Variants in FMNL2 observed in about 807,000 individuals in gnomAD.
FMNL2 encodes the protein formin-like protein 2.
Under a neutral mutation model 130.2 loss-of-function variants are expected in FMNL2, and 51 were observed. The observed-to-expected ratio is 0.39, with a 90% CI of 0.31 to 0.49. The LOEUF (loss-of-function observed/expected upper bound fraction) is 0.49, where lower values mean the gene tolerates loss of function less well. Among genes scored for constraint, FMNL2 ranks in the 20% least tolerant of loss-of-function variants. The pLI is 0.85. For synonymous variants in FMNL2, 465 were observed against 467.1 expected (o/e 1.00, Z 0.06); for missense variants, 977 against 1,316.2 (o/e 0.74, Z 3.99).
chr2:152,519,481 A>G (rs1479382597), intron 1 of FMNL2, among the ~76,000 whole-genome samples: 2 of 152,184 alleles, frequency 1.3e-5, no homozygotes, highest in Non-Finnish European at 2.9e-5. Context: ...CCTGTGTGTA[A>G]TTCCTGTGGC....
chr2:152,420,074 C>CCGAGTTTTACCAAAAGGCT (rs1324864603), intron 1 of FMNL2, among the ~76,000 whole-genome samples: 1 of 152,076 alleles, frequency 6.6e-6, no homozygotes, highest in Non-Finnish European at 1.5e-5. Context: ...TTGCTAAAAG[C>CCGAGTTTTACCAAAAGGCT]CGAGTTTTAC....
At chr2:152,618,563 G>A (rs1323165665) in intron 13 of FMNL2, among the ~76,000 whole-genome samples, 1 of 152,144 alleles carries the variant, frequency 6.6e-6, no homozygotes, top group Non-Finnish European at 1.5e-5. Context: ...CAGCATTCCG[G>A]GTCATTTCTG....
intron 1 of FMNL2, among the ~76,000 whole-genome samples, chr2:152,452,092 T>G (rs570211184): frequency 2.1e-4 from 32 of 152,280 alleles, no homozygotes; most frequent in East Asian, 1.9e-3. Context: ...CCCTGTTCCC[T>G]TCACTCTTTT....
intron 7 of FMNL2, 124 bp downstream of exon 7, chr2:152,575,368 A>C (rs766397126): frequency 9.8e-6 from 5 of 511,112 alleles, no homozygotes; most frequent in Non-Finnish European, 1.7e-5. Flanking sequence ...TCATCATCCT[A>C]CAATTTATCT....
At chr2:152,645,084 G>C (rs1358267596) in intron 25 of FMNL2, among the ~76,000 whole-genome samples, 2 of 152,224 alleles carry the variant, frequency 1.3e-5, no homozygotes, top group East Asian at 1.9e-4. Flanking sequence ...AAAGGACATA[G>C]AGTGTCATTG....
intron 1 of FMNL2, among the ~76,000 whole-genome samples, chr2:152,503,221 G>C (rs145037413): frequency 4.6e-5 from 7 of 152,344 alleles, no homozygotes; most frequent in African/African-American, 1.7e-4. Context: ...ACAGAGCATG[G>C]ACAAATAGGA....
At chr2:152,399,101 C>A (rs1235404553) in intron 1 of FMNL2, among the ~76,000 whole-genome samples, 1 of 152,224 alleles carries the variant, frequency 6.6e-6, no homozygotes, top group Non-Finnish European at 1.5e-5. Context: ...GTGTGATAAA[C>A]AATCCCAGAA....
intron 1 of FMNL2, among the ~76,000 whole-genome samples, chr2:152,346,290 G>T (rs1682119192): frequency 6.6e-6 from 1 of 152,076 alleles, no homozygotes; most frequent in African/African-American, 2.4e-5. Context: ...CTCCCAAAGT[G>T]CTGGGATTAC....
chr2:152,424,241 C>T (rs563308555), intron 1 of FMNL2, among the ~76,000 whole-genome samples: 14 of 152,172 alleles, frequency 9.2e-5, no homozygotes, highest in East Asian at 3.9e-4. Context: ...TGAAGGAACC[C>T]GGGCTGGGTG....
intron 10 of FMNL2, among the ~76,000 whole-genome samples, chr2:152,609,882 G>A (rs1475328315): frequency 6.6e-6 from 1 of 152,202 alleles, no homozygotes; most frequent in Admixed American, 6.5e-5. Flanking sequence ...ACTCTCCTGG[G>A]TGACAGCCAT....
chr2:152,621,208 A>C, intron 15 of FMNL2: 1,065 of 876,116 alleles, frequency 1.2e-3, no homozygotes, highest in South Asian at 1.4e-3. Flanking sequence ...GTGGTATCTC[A>C]TTTGGGGCTG....
At chr2:152,415,731 A>G (rs1686575763) in intron 1 of FMNL2, among the ~76,000 whole-genome samples, 1 of 152,240 alleles carries the variant, frequency 6.6e-6, no homozygotes, top group Non-Finnish European at 1.5e-5. Context: ...GCTATGCCAT[A>G]GAAGTCAGAG....
At chr2:152,420,038 T>A (rs912239750) in intron 1 of FMNL2, among the ~76,000 whole-genome samples, 3 of 152,174 alleles carry the variant, frequency 2.0e-5, no homozygotes, top group African/African-American at 7.2e-5. Flanking sequence ...GAGAATAATT[T>A]AAAAACTTGT....
intron 1 of FMNL2, among the ~76,000 whole-genome samples, chr2:152,426,604 T>C (rs1198465790): frequency 6.6e-6 from 1 of 152,208 alleles, no homozygotes; most frequent in Non-Finnish European, 1.5e-5. Context: ...TTCGACTTCA[T>C]TAGTCAGAGG....
At chr2:152,591,889 G>T (rs1383962317) in intron 9 of FMNL2, among the ~76,000 whole-genome samples, 1 of 152,110 alleles carries the variant, frequency 6.6e-6, no homozygotes, top group African/African-American at 2.4e-5. Context: ...TGATCACAAG[G>T]TCTGGAGTTA....
intron 15 of FMNL2, 161 bp from the exon 16 acceptor site, chr2:152,625,277 G>A: frequency 2.7e-6 from 2 of 734,684 alleles, no homozygotes; most frequent in Non-Finnish European, 4.2e-6. Context: ...CTCTGGCCAA[G>A]GCCATGTGTG....
chr2:152,343,805 A>G (rs1249210111), intron 1 of FMNL2, among the ~76,000 whole-genome samples: 1 of 149,994 alleles, frequency 6.7e-6, no homozygotes. Context: ...TTGGTAAGTT[A>G]AAGTAGTGGT....
intron 1 of FMNL2, among the ~76,000 whole-genome samples, chr2:152,369,632 C>T (rs1391552441): frequency 6.6e-6 from 1 of 152,226 alleles, no homozygotes; most frequent in African/African-American, 2.4e-5. Context: ...ACACATGCAA[C>T]TTAGCCTCTG....
Position 152,611,505 on chromosome 2 carries a change from T to C in FMNL2, c.962T>C (p.Met321Thr), listed in dbSNP as rs1698680869. The change falls in exon 11 of 26, where the codon ATG (methionine) becomes ACG (threonine). Residue 321 changes from methionine (M) to threonine (T), a missense_variant. Physicochemically the swap from Met to Thr is moderately conservative, Grantham distance 81. Transcript: ENST00000288670. ...DNNIDFMVAS[M>T]QFINIVVHSV... is the part of the protein sequence containing the mutation. ...ACAATTTCATTTCAGGTGGCTTCTA[T>C]GCAGTTTATTAATATTGTAGTCCAT... 6.3e-7 allele frequency: 1 copy of C among 1,584,094 alleles called. No homozygotes were observed.
Sources: allele counts gnomAD v4.1 joint callset (sites outside exome capture counted in the v4.1 genomes callset), GRCh38; gene constraint gnomAD v4.1.1; transcripts MANE v1.5; gene names NCBI Gene and HGNC (gene_info 2026-07-23, HGNC 2026-07-21).